ZFP64: variants seen among roughly 807,000 people sequenced by gnomAD.
The protein encoded by ZFP64 is zinc finger protein 64.
In ZFP64, 14 loss-of-function variants were observed where a neutral mutation model predicts 51.6. The ratio of observed to expected loss-of-function variants is 0.27; its 90% CI spans 0.18 to 0.42. The LOEUF is 0.42. ZFP64 is among the 10% of genes least tolerant of loss of function. The pLI is 1.00. For synonymous variants in ZFP64, 375 were observed against 361.4 expected (o/e 1.04, Z -0.43); for missense variants, 754 against 906.8 (o/e 0.83, Z 2.16).
At chr20:52,102,906 G>T (rs954668070) in intron 5 of ZFP64, among the ~76,000 whole-genome samples, 3 of 152,186 alleles carry the variant, frequency 2.0e-5, no homozygotes, top group Admixed American at 6.5e-5. Flanking sequence ...ATATACACAC[G>T]TAAGATTCTA....
intron 2 of ZFP64, among the ~76,000 whole-genome samples, chr20:52,186,323 T>C (rs1188649771): frequency 6.6e-6 from 1 of 152,210 alleles, no homozygotes; most frequent in Non-Finnish European, 1.5e-5. Flanking sequence ...CCATCTGTAA[T>C]TTATTTTTGG....
At chr20:52,096,291 G>A (rs2078987781) in intron 7 of ZFP64, among the ~76,000 whole-genome samples, 1 of 152,182 alleles carries the variant, frequency 6.6e-6, no homozygotes, top group South Asian at 2.1e-4. Context: ...CTGGGTCACA[G>A]CCCAAGGGAG....
Position 52,152,659 on chromosome 20 carries a change from G to A in ZFP64, c.1533C>T (p.Ile511=), listed in dbSNP as rs374626162. ...VGHQVPQANT[I]VQAAAAAVNI... ...TCACTGCAGCGGCGGCAGCCTGGAC[G>A]ATGGTGTTCGCCTGGGGCACCTGAT... The change falls in exon 6 of 6, where the codon ATC becomes ATT. Residue 511 remains isoleucine (I), a synonymous_variant. Transcript: ENST00000216923. 1.0e-5 allele frequency: 16 copies of A among 1,537,292 alleles called. No homozygotes were observed. The highest frequency in any genetic ancestry group is 1.4e-5 in the Non-Finnish European group (16 of 1,145,044).
intron 5 of ZFP64, among the ~76,000 whole-genome samples, chr20:52,135,720 C>CT (rs1198192605): frequency 2.0e-5 from 3 of 152,018 alleles, no homozygotes; most frequent in Non-Finnish European, 2.9e-5. Context: ...AACTACTGGG[C>CT]TTAAGTGATC....
chr20:52,142,417 C>CACACACACACAA (rs1024276810), intron 5 of ZFP64, among the ~76,000 whole-genome samples: 9 of 147,224 alleles, frequency 6.1e-5, no homozygotes, highest in African/African-American at 1.7e-4. Context: ...CACACACACA[C>CACACACACACAA]AAATTGCTTA....
Position 52,153,887 on chromosome 20 carries a change from T to C in ZFP64, c.764-459A>G, listed in dbSNP as rs1206048250. 6.6e-6 allele frequency among the ~76,000 whole-genome samples: 1 copy of C among 152,162 alleles called. No homozygotes were observed. The highest frequency in any genetic ancestry group is 2.4e-5 in the African/African-American group (1 of 41,438). On this transcript the variant is annotated intron_variant, in intron 5 of 5. Coordinates refer to ENST00000216923, the MANE Select transcript of ZFP64 (RefSeq NM_018197.3). The surrounding 1 kb of genome is among the most constrained non-coding windows in gnomAD (Gnocchi z 5.1). Reference sequence around the variant, plus strand: ...CAGCTCCGTGCTGCACTCATTGGAGTATGGTTTTACAATGACTGAAACACC... The same window carrying C: ...CAGCTCCGTGCTGCACTCATTGGAGCATGGTTTTACAATGACTGAAACACC...
At chr20:52,094,945 A>G (rs1002869296) in intron 7 of ZFP64, among the ~76,000 whole-genome samples, 7 of 152,214 alleles carry the variant, frequency 4.6e-5, no homozygotes, top group East Asian at 1.9e-4. Context: ...AAGCATGCCC[A>G]TGACGGGGAA....
At chr20:52,113,498 GCT>G (rs990547160) in intron 5 of ZFP64, among the ~76,000 whole-genome samples, 1 of 143,968 alleles carries the variant, frequency 6.9e-6, no homozygotes, top group African/African-American at 2.6e-5. Flanking sequence ...CGCGATCTCG[GCT>G]CACTGCATCC....
At chr20:52,084,731 G>C (rs763759145) in exon 9 of ZFP64, 2 of 1,614,250 alleles carry the variant, frequency 1.2e-6, no homozygotes, top group South Asian at 2.2e-5. Flanking sequence ...CCCTGACGAA[G>C]GAGGCGCCGC....
chr20:52,149,473 T>C (rs1980685449), downstream of ZFP64, among the ~76,000 whole-genome samples: 2 of 152,196 alleles, frequency 1.3e-5, no homozygotes, highest in Non-Finnish European at 2.9e-5. Flanking sequence ...TCAAAGCAAG[T>C]TGCAGAGAAA....
chr20:52,186,405 T>C (rs113292331), intron 2 of ZFP64, among the ~76,000 whole-genome samples: 1,994 of 151,898 alleles, frequency 0.013, 18 homozygotes, highest in Non-Finnish European at 0.02. Flanking sequence ...GAGATACCAA[T>C]GCCAGTTTAT....
intron 5 of ZFP64, among the ~76,000 whole-genome samples, chr20:52,159,298 G>A (rs1241085114): frequency 6.6e-6 from 1 of 152,216 alleles, no homozygotes; most frequent in Non-Finnish European, 1.5e-5. Context: ...TAATTTTGCT[G>A]TATGTTTTTT....
At chr20:52,114,252 G>C (rs962097317) in intron 5 of ZFP64, among the ~76,000 whole-genome samples, 1 of 152,230 alleles carries the variant, frequency 6.6e-6, no homozygotes, top group Non-Finnish European at 1.5e-5. Context: ...ACACACACAT[G>C]CTGAGCGTGA....
intron 2 of ZFP64, among the ~76,000 whole-genome samples, chr20:52,170,500 T>C (rs1346088578): frequency 6.6e-6 from 1 of 152,154 alleles, no homozygotes; most frequent in East Asian, 1.9e-4. Context: ...GGCACCCAGG[T>C]GCAGGGATCA....
chr20:52,117,923 G>A (rs140346555), intron 5 of ZFP64, among the ~76,000 whole-genome samples: 477 of 151,846 alleles, frequency 3.1e-3, no homozygotes, highest in African/African-American at 8.3e-3. Context: ...AGCTTCCTGC[G>A]TAGCTGGAAC....
chr20:52,120,261 C>T (rs1288741980), intron 5 of ZFP64, among the ~76,000 whole-genome samples: 5 of 152,274 alleles, frequency 3.3e-5, no homozygotes, highest in Admixed American at 6.5e-5. Context: ...ACCCAGTCTA[C>T]GGCACTTTGT....
Position 52,115,197 on chromosome 20 carries a change from CA to C in ZFP64, c.764-16611del, listed in dbSNP as rs11484315. Among the ~76,000 whole-genome samples, 749 of 90,014 alleles carry C rather than the reference CA, an allele frequency of 8.3e-3. 3 individuals carry two copies. The highest frequency in any genetic ancestry group is 0.029 in the African/African-American group (592 of 20,508). 59.1% of individuals were successfully genotyped at this position (90,014 alleles called of 152,430 possible). On this transcript the variant is annotated intron_variant, in intron 5 of 8. Coordinates refer to the ZFP64 transcript ENST00000361387. ...CCAGCCTGGGTAACAGAGTGAGTCT[CA>C]AAAAAAAAAAAAAAAAAGAAACACC...
Position 52,191,499 on chromosome 20 carries a change from G to A in ZFP64, c.46+92C>T. On this transcript the variant is annotated intron_variant, in intron 1 of 5. Coordinates refer to ENST00000216923, the MANE Select transcript of ZFP64 (RefSeq NM_018197.3). This position sits in a 1 kb window ranked among gnomAD's most constrained non-coding sequence, Gnocchi z 4.3. ...CGTCACCCCGATTTCGGGGCCCCGG[G>A]CCTGCTGGCTGCGTCGCAGACGTGC... The A allele has an allele frequency of 2.2e-6, 3 of 1,390,088 alleles. No individual in the cohort carries two copies. The highest frequency in any genetic ancestry group is 3.1e-5 in the East Asian group (1 of 32,782). The allele number at this position is 1,390,088 out of a possible 1,614,324, so 86.1% of individuals were successfully genotyped here. A position where few individuals can be genotyped will look rare whatever the true frequency, so the allele number is the denominator to read the frequency against.
Position 52,160,825 on chromosome 20 carries a change from T to A in ZFP64, c.512-451A>T, listed in dbSNP as rs1226269331. Among the ~76,000 whole-genome samples, 3 of 152,194 alleles carry A rather than the reference T, an allele frequency of 2.0e-5. No homozygotes were observed. The highest frequency in any genetic ancestry group is 7.2e-5 in the African/African-American group (3 of 41,462). On this transcript the variant is annotated intron_variant, in intron 4 of 5. Coordinates refer to ENST00000216923, the MANE Select transcript of ZFP64 (RefSeq NM_018197.3). The surrounding 1 kb of genome is among the most constrained non-coding windows in gnomAD (Gnocchi z 4.2). ...CTTCTCAGCCTCGCCTGCAGCTAGC[T>A]GTGATCTGTGACTAAGTTCCTATCA...
Sources: gnomAD v4.1 joint callset for allele counts (sites outside exome capture counted in the v4.1 genomes callset) on GRCh38, gnomAD v4.1.1 for gene constraint, Gnocchi (gnomAD v3.1) non-coding constraint, MANE v1.5 for transcripts, NCBI Gene and HGNC (gene_info 2026-07-23, HGNC 2026-07-21) for gene names.